ANKRD52: variants seen among roughly 807,000 people sequenced by gnomAD.
The protein encoded by ANKRD52 is ankyrin repeat domain 52.
Under a neutral mutation model 116.0 loss-of-function variants are expected in ANKRD52, and 7 were observed. The observed-to-expected ratio is 0.06, with a 90% CI of 0.03 to 0.11. ANKRD52 has a LOEUF of 0.11. ANKRD52 is among the 10% of genes least tolerant of loss of function. ANKRD52 has a pLI of 1.00. For missense variants in ANKRD52, 839 were observed against 1,408.6 expected (o/e 0.60, Z 6.47); for synonymous variants, 528 against 578.1 (o/e 0.91, Z 1.24).
In ANKRD52 at chr12:56,237,913, C is replaced by G; in HGVS notation, c.*5229G>C. 1.4e-6 allele frequency: 1 copy of G among 731,812 alleles called. No homozygotes were observed. The highest frequency in any genetic ancestry group is 2.1e-6 in the Non-Finnish European group (1 of 487,290). The allele number at this position is 731,812 out of a possible 1,614,324, so 45.3% of individuals were successfully genotyped here. A position where few individuals can be genotyped will look rare whatever the true frequency, so the allele number is the denominator to read the frequency against. On this transcript the variant is annotated 3_prime_UTR_variant, in exon 28 of 28. Transcript: ENST00000267116. Reference sequence around the variant, plus strand: ...AAAACCAGAGTGTGGTGGGAGGACCCGAAGCCGGTTGGGGGAGGATGTGAG... The same window carrying G: ...AAAACCAGAGTGTGGTGGGAGGACCGGAAGCCGGTTGGGGGAGGATGTGAG...
Position 56,253,609 on chromosome 12 carries a change from G to C in ANKRD52, c.985+113C>G, listed in dbSNP as rs898145467. ...AGGTCCCTTGGTCAGAGTTCCAAGG[G>C]CCTATCCTACTGGAAGAGGGCAGGA... On this transcript the variant is annotated intron_variant, in intron 9 of 27. Coordinates refer to ENST00000267116, the MANE Select transcript of ANKRD52 (RefSeq NM_173595.4). The surrounding 1 kb of genome is among the most constrained non-coding windows in gnomAD (Gnocchi z 5.5). 3.3e-6 allele frequency: 4 copies of C among 1,213,024 alleles called. No individual in the cohort carries two copies. In the African/African-American group the frequency reaches 6.0e-5, roughly 18 times the overall value. 75.1% of individuals were successfully genotyped at this position (1,213,024 alleles called of 1,614,324 possible).
At chr12:56,245,691 A>C in intron 20 of ANKRD52, 95 bp from the exon 21 acceptor site, 8 of 886,120 alleles carry the variant, frequency 9.0e-6, no homozygotes, top group Non-Finnish European at 1.2e-5. Flanking sequence ...AACCACTTCC[A>C]GGGCTCCAAT....
intron 18 of ANKRD52, 66 bp from the exon 19 acceptor site, chr12:56,247,840 A>G: frequency 6.6e-7 from 1 of 1,521,002 alleles, no homozygotes; most frequent in South Asian, 1.2e-5. Flanking sequence ...GTCAAGCCTA[A>G]AGGACTTGGG....
Position 56,255,436 on chromosome 12 carries a change from C to T in ANKRD52, c.462+348G>A, listed in dbSNP as rs897389449. On this transcript the variant is annotated intron_variant, in intron 5 of 27. Coordinates refer to ENST00000267116, the MANE Select transcript of ANKRD52 (RefSeq NM_173595.4). This position sits in a 1 kb window ranked among gnomAD's most constrained non-coding sequence, Gnocchi z 4.3. ...CGATCTCCTGATCTCATGATCCACCCGCCTTCGCCTCCCAAAGTGCTGGGA... is the reference window on the plus strand; with the variant it reads ...CGATCTCCTGATCTCATGATCCACCTGCCTTCGCCTCCCAAAGTGCTGGGA... Among the ~76,000 whole-genome samples the T allele has an allele frequency of 4.6e-5, 7 of 152,188 alleles. No homozygotes were observed. In the East Asian group the frequency reaches 9.6e-4, roughly 21 times the overall value.
intron 15 of ANKRD52, among the ~76,000 whole-genome samples, chr12:56,251,210 G>C (rs1311419539): frequency 2.0e-5 from 3 of 151,766 alleles, no homozygotes; most frequent in African/African-American, 7.3e-5. Context: ...CAAAGTGCTG[G>C]GATTATAGGC....
In ANKRD52 at chr12:56,238,085, T is replaced by G. The variant is rs559097860; in HGVS notation, c.*5057A>C. ...CTGGGGATGCAGGCATCTGGGCACA[T>G]CTGCCCCTTATTGCTGCCCACCAGC... is the stretch of plus-strand genomic sequence containing the variant. On this transcript the variant is annotated 3_prime_UTR_variant, in exon 28 of 28. Transcript: ENST00000267116. 8.6e-6 allele frequency: 2 copies of G among 233,172 alleles called. No homozygotes were observed. Among genetic ancestry groups the G allele is most frequent in the East Asian group, 1.8e-4 (2 of 11,272 alleles). The allele number at this position is 233,172 out of a possible 1,614,324, so 14.4% of individuals were successfully genotyped here.
Position 56,237,868 on chromosome 12 carries a change from C to A in ANKRD52, c.*5274G>T. On this transcript the variant is annotated 3_prime_UTR_variant, in exon 28 of 28. Coordinates refer to ENST00000267116, the MANE Select transcript of ANKRD52 (RefSeq NM_173595.4). ...CAAAGCCATGACTACGACAGTTGTA[C>A]TTGCACCAAAACAGCATAGAAAACC... 2 of 1,123,410 alleles carry A rather than the reference C, an allele frequency of 1.8e-6. No homozygotes were observed. The highest frequency in any genetic ancestry group is 2.4e-6 in the Non-Finnish European group (2 of 827,672). The allele number at this position is 1,123,410 out of a possible 1,614,324, so 69.6% of individuals were successfully genotyped here. A position where few individuals can be genotyped will look rare whatever the true frequency, so the allele number is the denominator to read the frequency against.
In ANKRD52 at chr12:56,252,428, T is replaced by C; in HGVS notation, c.1370+74A>G. ...ATTCTCCTTATTTAAGTCTCCAATC[T>C]AAACCCTTCCTCCCTCTACCATTTG... On this transcript the variant is annotated intron_variant, in intron 13 of 27. Transcript: ENST00000267116. The surrounding 1 kb of genome is among the most constrained non-coding windows in gnomAD (Gnocchi z 4.7). 1.3e-6 allele frequency: 2 copies of C among 1,595,050 alleles called. No homozygotes were observed. Among genetic ancestry groups the C allele is most frequent in the Admixed American group, 1.7e-5 (1 of 59,962 alleles).
rs1871304973 is a variant in ANKRD52 at position 56,244,487 on chromosome 12, C to T, written c.2723-52G>A. Reference sequence around the variant, plus strand: ...TGACCCCTCCCTCCAGAGCAGTAGCCATCCTGGCTCTCCACTTTGCATCCC... The same window carrying T: ...TGACCCCTCCCTCCAGAGCAGTAGCTATCCTGGCTCTCCACTTTGCATCCC... On this transcript the variant is annotated intron_variant, in intron 24 of 27. Transcript: ENST00000267116. This position sits in a 1 kb window ranked among gnomAD's most constrained non-coding sequence, Gnocchi z 4.9. 6.2e-7 allele frequency: 1 copy of T among 1,602,754 alleles called. No individual in the cohort carries two copies. Among genetic ancestry groups the T allele is most frequent in the South Asian group, 1.1e-5 (1 of 90,620 alleles).
Position 56,244,950 on chromosome 12 carries a change from T to C in ANKRD52, c.2532A>G (p.Gly844=). 1 of 1,613,830 alleles carries C rather than the reference T, an allele frequency of 6.2e-7. No homozygotes were observed. The highest frequency in any genetic ancestry group is 8.5e-7 in the Non-Finnish European group (1 of 1,179,848). The change falls in exon 23 of 28, where the codon GGA becomes GGG. Residue 844 remains glycine (G), a synonymous_variant. Transcript: ENST00000267116. This position sits in a 1 kb window ranked among gnomAD's most constrained non-coding sequence, Gnocchi z 4.9. ...TGTTCACAATCTTGGCACCCAGAGC[T>C]CCCAGTAGCATCTCTGTGGTGCTGT... is the stretch of plus-strand genomic sequence containing the variant. ...NQDSTTEMLL[G]ALGAKIVNSR...
Position 56,255,006 on chromosome 12 carries a change from T to C in ANKRD52, c.463-54A>G. The C allele has an allele frequency of 1.9e-6, 3 of 1,567,266 alleles. No individual in the cohort carries two copies. Among genetic ancestry groups the C allele is most frequent in the Non-Finnish European group, 2.6e-6 (3 of 1,140,056 alleles). Reference sequence around the variant, plus strand: ...CAGAGCTAGATTCGTGCCCTCAACCTACCTAAGAGCAGAGGCCTCATCTCC... The same window carrying C: ...CAGAGCTAGATTCGTGCCCTCAACCCACCTAAGAGCAGAGGCCTCATCTCC... On this transcript the variant is annotated intron_variant, in intron 5 of 27. Transcript: ENST00000267116. The surrounding 1 kb of genome is among the most constrained non-coding windows in gnomAD (Gnocchi z 4.3).
Position 56,252,287 on chromosome 12 carries a change from C to A in ANKRD52, c.1399G>T (p.Gly467Cys), listed in dbSNP as rs1395433403. 1.9e-6 allele frequency: 3 copies of A among 1,613,806 alleles called. No individual in the cohort carries two copies. The highest frequency in any genetic ancestry group is 1.3e-5 in the African/African-American group (1 of 74,886). Residue 467 changes from glycine to cysteine, a missense_variant, in exon 14 of 28, where the codon GGT becomes TGT. This residue lies in a region of ANKRD52 where 552 missense variants were observed against 810.6 expected (regional missense o/e 0.68). Transcript: ENST00000267116. This position sits in a 1 kb window ranked among gnomAD's most constrained non-coding sequence, Gnocchi z 4.7. Reference protein sequence around the residue: ...RTPLHYAAANGSYQCAVTLVT... With the variant: ...RTPLHYAAANCSYQCAVTLVT... ...AATGTTACTGCACACTGGTAGCTAC[C>A]GTTAGCAGCTGCATAGTGCAGTGGG...
chr12:56,243,246 C>A lies in ANKRD52; in HGVS notation c.3127G>T (p.Ala1043Ser), dbSNP rs773443613. Residue 1043 changes from alanine (A) to serine (S), a missense_variant, in exon 28 of 28, where the codon GCC becomes TCC. Physicochemically the swap from Ala to Ser is moderately conservative, Grantham distance 99. This residue lies in a region of ANKRD52 where 552 missense variants were observed against 810.6 expected (regional missense o/e 0.68). Coordinates refer to ENST00000267116, the MANE Select transcript of ANKRD52 (RefSeq NM_173595.4). This position sits in a 1 kb window ranked among gnomAD's most constrained non-coding sequence, Gnocchi z 4.6. Reference sequence around the variant, plus strand: ...GCGCCGCAGCCACCCACCGTCTTGGCGGCTGCAATGCTGCAGTTCTTGAGC... The same window carrying A: ...GCGCCGCAGCCACCCACCGTCTTGGAGGCTGCAATGCTGCAGTTCTTGAGC... The part of the protein sequence containing the change: ...SLLKNCSIAA[A>S]KTVGGCGALP... 1.2e-6 allele frequency: 2 copies of A among 1,613,698 alleles called. No individual in the cohort carries two copies.
intron 20 of ANKRD52, 25 bp downstream of exon 20, chr12:56,247,468 C>G: frequency 1.3e-6 from 2 of 1,544,470 alleles, no homozygotes; most frequent in Non-Finnish European, 1.8e-6. Context: ...CATGTGCAAA[C>G]AATCCCCCCT....
rs1871257578 is a variant in ANKRD52, at chr12:56,243,478, G to A, written c.2981-86C>T. The stretch of plus-strand genomic sequence containing the variant: ...AGCCCTGAAGTCTCTTCTCTGTGGA[G>A]GGAGCCAAGGCAGGCAGGTACCCAG... On this transcript the variant is annotated intron_variant, in intron 27 of 27. Transcript: ENST00000267116. The surrounding 1 kb of genome is among the most constrained non-coding windows in gnomAD (Gnocchi z 4.6). 6.7e-7 allele frequency: 1 copy of A among 1,501,858 alleles called. No homozygotes were observed. The highest frequency in any genetic ancestry group is 8.9e-7 in the Non-Finnish European group (1 of 1,119,314). 93.0% of individuals were successfully genotyped at this position (1,501,858 alleles called of 1,614,324 possible).
Position 56,254,052 on chromosome 12 carries a change from T to C in ANKRD52, c.906+15A>G, listed in dbSNP as rs78662875. On this transcript the variant is annotated intron_variant, in intron 8 of 27. Transcript: ENST00000267116. This position sits in a 1 kb window ranked among gnomAD's most constrained non-coding sequence, Gnocchi z 4.6. ...TTTCGCTCCCCACTGGTCTAAGCCT[T>C]ATCCCTTCAGGCACCTGGTAGTTGA... 2.2e-5 allele frequency: 35 copies of C among 1,611,162 alleles called. No homozygotes were observed. Among genetic ancestry groups the C allele is most frequent in the South Asian group, 1.4e-4 (13 of 90,978 alleles).
chr12:56,243,799 G>C lies in ANKRD52; in HGVS notation c.2966C>G (p.Ala989Gly), dbSNP rs767321487. The C allele has an allele frequency of 5.1e-6, 8 of 1,558,868 alleles. No homozygotes were observed. The highest frequency in any genetic ancestry group is 1.7e-4 in the Middle Eastern group (1 of 5,996). Residue 989 changes from alanine (A) to glycine (G), a missense_variant, in exon 27 of 28, where the codon GCT becomes GGT. Physicochemically the swap from Ala to Gly is moderately conservative, Grantham distance 60. Coordinates refer to ENST00000267116, the MANE Select transcript of ANKRD52 (RefSeq NM_173595.4). The surrounding 1 kb of genome is among the most constrained non-coding windows in gnomAD (Gnocchi z 4.6). The stretch of plus-strand genomic sequence containing the variant: ...ACCCCACCCACCTTCTTCATCCACA[G>C]CCAGCACTGTGGCCCCATGACTCAG... ...ALLSHGATVL[A>G]VDEEGHTPAL...
Position 56,252,975 on chromosome 12 carries a change from C to T in ANKRD52, c.1183+29G>A. 1.3e-6 allele frequency: 2 copies of T among 1,584,134 alleles called. No homozygotes were observed. Among genetic ancestry groups the T allele is most frequent in the Non-Finnish European group, 8.6e-7 (1 of 1,165,082 alleles). ...GAAAGGCCTTTGCTCTCCTATACAC[C>T]TGCCAATCCCCAGCCCATCAGCACA... On this transcript the variant is annotated intron_variant, in intron 11 of 27. Transcript: ENST00000267116. The surrounding 1 kb of genome is among the most constrained non-coding windows in gnomAD (Gnocchi z 4.7).
In ANKRD52 at chr12:56,245,044, G is replaced by T. The variant is rs376569951; in HGVS notation, c.2493-55C>A. 1.1e-5 allele frequency: 18 copies of T among 1,612,566 alleles called. No homozygotes were observed. In the African/African-American group the frequency reaches 2.3e-4, roughly 20 times the overall value. On this transcript the variant is annotated intron_variant, in intron 22 of 27. Transcript: ENST00000267116. ...GAAGGACAAGGGAAGTAGACTACCTGTCCTAAGCTCAAGTCATGGGCCCTC... is the reference window on the plus strand; with the variant it reads ...GAAGGACAAGGGAAGTAGACTACCTTTCCTAAGCTCAAGTCATGGGCCCTC...
Sources: allele counts gnomAD v4.1 joint callset (sites outside exome capture counted in the v4.1 genomes callset), GRCh38; gene constraint gnomAD v4.1.1; regional missense constraint gnomAD v4.1.1; non-coding constraint Gnocchi (gnomAD v3.1); transcripts MANE v1.5; gene names NCBI Gene and HGNC (gene_info 2026-07-23, HGNC 2026-07-21).